The following HIBCH variants were observed in gnomAD, a reference collection of about 807,000 sequenced individuals.
HIBCH encodes 3-hydroxyisobutyryl-CoA hydrolase, mitochondrial.
Under a neutral mutation model 58.2 loss-of-function variants are expected in HIBCH, and 50 were observed. That is an observed-to-expected ratio of 0.86 (90% CI 0.68 to 1.09). The LOEUF (loss-of-function observed/expected upper bound fraction) is 1.09, where lower values mean the gene tolerates loss of function less well. Ranked by LOEUF, HIBCH falls within the 50% of genes least tolerant of loss-of-function variation. The pLI, the probability that HIBCH is intolerant of heterozygous loss-of-function variation, is 0.00. For synonymous variants in HIBCH, 151 were observed against 146.9 expected, an observed-to-expected ratio of 1.03 and a Z score of -0.20; for missense variants, 450 against 449.7, an observed-to-expected ratio of 1.00 and a Z score of -0.01.
intron 6 of HIBCH, among the ~76,000 whole-genome samples, chr2:190,265,153 A>G (rs751961456): frequency 6.9e-5 from 10 of 144,836 alleles, no homozygotes; most frequent in African/African-American, 2.0e-4. Flanking sequence ...AAAAAAAAGT[A>G]TTGACTCATT....
At chr2:190,201,598 T>C (rs1446352513), downstream of HIBCH, 1 of 167,060 alleles carries the variant, frequency 6.0e-6, no homozygotes, top group African/African-American at 2.4e-5. Context: ...ACTAATACTT[T>C]GAAACCCACA....
At chr2:190,249,827 A>C (rs1686711843) in intron 8 of HIBCH, 101 bp from the exon 9 acceptor site, 1 of 799,744 alleles carries the variant, frequency 1.3e-6, no homozygotes, top group South Asian at 1.6e-5. Context: ...TTGACTTTAA[A>C]TTATGAAGCT....
At chr2:190,280,787 T>C (rs1032131265) in intron 6 of HIBCH, 4 of 152,168 alleles carry the variant, frequency 2.6e-5, no homozygotes, top group Admixed American at 2.0e-4. Context: ...ACCACGCCAG[T>C]GTATAAAACC....
chr2:190,259,372 T>TGTGTGTGTGTGG (rs1553501637), intron 7 of HIBCH, among the ~76,000 whole-genome samples: 1 of 147,030 alleles, frequency 6.8e-6, no homozygotes, highest in African/African-American at 2.6e-5. Flanking sequence ...TGTGTGTCTG[T>TGTGTGTGTGTGG]CTGACTGACA....
chr2:190,192,900 G>A (rs1356553867), intron 1 of HIBCH, among the ~76,000 whole-genome samples: 9 of 151,596 alleles, frequency 5.9e-5, no homozygotes, highest in Admixed American at 5.3e-4. Flanking sequence ...AATTTTTTTT[G>A]GGGGGAGGCC....
rs971638715 is a variant in HIBCH at position 190,279,618 on chromosome 2, A to G, written c.438+7968T>C. 2.6e-5 allele frequency among the ~76,000 whole-genome samples: 4 copies of G among 152,254 alleles called. No homozygotes were observed. The highest frequency in any genetic ancestry group is 9.6e-5 in the African/African-American group (4 of 41,472). ...ATAAATAGTAAATTCTCTTAGAAGC[A>G]AAATTTATTCAAAGACCTGTGCTAA... is the stretch of plus-strand genomic sequence containing the variant. On this transcript the variant is annotated intron_variant, in intron 6 of 13. Transcript: ENST00000359678. This position sits in a 1 kb window ranked among gnomAD's most constrained non-coding sequence, Gnocchi z 4.2.
At chr2:190,294,037 T>TATATATAC (rs1688039108) in intron 4 of HIBCH, among the ~76,000 whole-genome samples, 1 of 146,612 alleles carries the variant, frequency 6.8e-6, no homozygotes, top group African/African-American at 2.5e-5. Context: ...TATATATATA[T>TATATATAC]ATATATATAT....
intron 6 of HIBCH, among the ~76,000 whole-genome samples, chr2:190,270,255 TTA>T (rs1321827360): frequency 2.2e-5 from 3 of 137,562 alleles, no homozygotes; most frequent in East Asian, 2.0e-4. Flanking sequence ...AAAAATAAAT[TTA>T]GTTATTACAC....
At chr2:190,224,189 A>AG (rs1478966179) in intron 11 of HIBCH, among the ~76,000 whole-genome samples, 1 of 152,232 alleles carries the variant, frequency 6.6e-6, no homozygotes, top group Non-Finnish European at 1.5e-5. Flanking sequence ...AACTACAAGG[A>AG]GGCAGCGAGG....
intron 1 of HIBCH, among the ~76,000 whole-genome samples, chr2:190,312,981 C>G (rs1260644837): frequency 6.6e-6 from 1 of 152,198 alleles, no homozygotes; most frequent in African/African-American, 2.4e-5. Flanking sequence ...CGCCTGTAAT[C>G]CCAGCTACTC....
intron 1 of HIBCH, among the ~76,000 whole-genome samples, chr2:190,193,125 G>C (rs964864797): frequency 2.6e-5 from 4 of 152,002 alleles, no homozygotes; most frequent in African/African-American, 9.7e-5. Flanking sequence ...CATTACTTTT[G>C]AGGAAGGCCT....
intron 6 of HIBCH, among the ~76,000 whole-genome samples, chr2:190,270,652 T>G (rs1687370600): frequency 6.6e-6 from 1 of 152,248 alleles, no homozygotes; most frequent in Non-Finnish European, 1.5e-5. Context: ...CAATTTCTTT[T>G]GTTAGAAATT....
In HIBCH at chr2:190,249,726, A is replaced by G; in HGVS notation, c.664T>C (p.Leu222=). ...AACAAATCTTCCTCTAACATGGCCA[A>G]CTAAAGGGGAGGCAGAAAAAAAGGA... ...IATHFVDSEK[L]AMLEEDLLAL... Residue 222 remains leucine, a splice_region_variant and synonymous_variant, in exon 9 of 14, where the codon TTG becomes CTG. Transcript: ENST00000359678. 1 of 1,585,426 alleles carries G rather than the reference A, an allele frequency of 6.3e-7. No homozygotes were observed. The highest frequency in any genetic ancestry group is 8.7e-7 in the Non-Finnish European group (1 of 1,154,230).
At chr2:190,312,672 CT>C (rs1481456589) in intron 1 of HIBCH, among the ~76,000 whole-genome samples, 3 of 152,176 alleles carry the variant, frequency 2.0e-5, no homozygotes, top group Non-Finnish European at 4.4e-5. Flanking sequence ...TTGAATAATA[CT>C]ATACAAAAGA....
In HIBCH at chr2:190,306,049, C is replaced by T. The variant is rs1381707490; in HGVS notation, c.78+4705G>A. ...TCCCACTGTTAATTCAGCAACTTGC[C>T]ATGGTCATCTTCCCATGTCACTACT... On this transcript the variant is annotated intron_variant, in intron 2 of 13. Transcript: ENST00000359678. This position sits in a 1 kb window ranked among gnomAD's most constrained non-coding sequence, Gnocchi z 4.6. Among the ~76,000 whole-genome samples the T allele has an allele frequency of 1.3e-5, 2 of 152,102 alleles. No individual in the cohort carries two copies. The highest frequency in any genetic ancestry group is 2.4e-5 in the African/African-American group (1 of 41,438).
chr2:190,222,554 A>G (rs1332350157), intron 11 of HIBCH, among the ~76,000 whole-genome samples: 4 of 152,246 alleles, frequency 2.6e-5, no homozygotes, highest in Non-Finnish European at 5.9e-5. Flanking sequence ...AGAAATACAA[A>G]TCAAAACCAT....
Position 190,197,176 on chromosome 2 carries a change from T to C in HIBCH, c.*18-7179A>G, listed in dbSNP as rs768919982. On this transcript the variant is annotated intron_variant, in intron 1 of 1. Transcript: ENST00000399855. This position sits in a 1 kb window ranked among gnomAD's most constrained non-coding sequence, Gnocchi z 4.0. ...GGGGATTAGGTTTCAATATATGAAT[T>C]TGGAGAAGCCACAAACATCCTAGCT... is the stretch of plus-strand genomic sequence containing the variant. Among the ~76,000 whole-genome samples the C allele has an allele frequency of 1.3e-5, 2 of 152,140 alleles. No individual in the cohort carries two copies. Among genetic ancestry groups the C allele is most frequent in the Middle Eastern group, 3.2e-3 (1 of 316 alleles).
At chr2:190,257,648 C>T (rs185027994) in intron 7 of HIBCH, among the ~76,000 whole-genome samples, 11 of 152,108 alleles carry the variant, frequency 7.2e-5, no homozygotes, top group South Asian at 2.1e-4. Context: ...TACCACAGAC[C>T]GGGGTAATTT....
chr2:190,310,611 G>A, intron 2 of HIBCH, 143 bp downstream of exon 2: 1 of 749,624 alleles, frequency 1.3e-6, no homozygotes, highest in Non-Finnish European at 2.4e-6. Flanking sequence ...AGGTGCGTGT[G>A]CCATGTCTTG....
Sources: allele counts gnomAD v4.1 joint callset (sites outside exome capture counted in the v4.1 genomes callset), GRCh38; gene constraint gnomAD v4.1.1; non-coding constraint Gnocchi (gnomAD v3.1); transcripts MANE v1.5; gene names NCBI Gene and HGNC (gene_info 2026-07-23, HGNC 2026-07-21).